GRIA3: variants seen among roughly 807,000 people sequenced by gnomAD.
GRIA3 encodes glutamate receptor 3.
A neutral mutation model predicts 63.0 loss-of-function variants in GRIA3; 3 were observed. That is an observed-to-expected ratio of 0.05 (90% CI 0.02 to 0.12). The LOEUF (loss-of-function observed/expected upper bound fraction) is 0.12, where lower values mean the gene tolerates loss of function less well. GRIA3 is among the 10% of genes least tolerant of loss of function. GRIA3 has a pLI of 1.00. For missense variants in GRIA3, 347 were observed against 700.9 expected (o/e 0.50, Z 5.70); for synonymous variants, 274 against 257.9 (o/e 1.06, Z -0.60).
rs765010781 is a variant in GRIA3, at chrX:123,250,140, G to C, written c.269-3163G>C. The stretch of plus-strand genomic sequence containing the variant: ...TAGTTACCTGGGGCAGGGGTAGCAG[G>C]GAGGAGTGTTATCAATACAGGGAGA... On this transcript the variant is annotated intron_variant, in intron 2 of 15. Transcript: ENST00000620443. 5.2e-4 allele frequency among the ~76,000 whole-genome samples: 58 copies of C among 111,505 alleles called. 1 individual carries two copies. The highest frequency in any genetic ancestry group is 1.9e-3 in the African/African-American group (57 of 30,695).
At chrX:123,354,985 T>C in intron 5 of GRIA3, 22 bp downstream of exon 5, 1 of 1,099,283 alleles carries the variant, frequency 9.1e-7, no homozygotes, top group East Asian at 3.0e-5. Context: ...CAAGTGTCCC[T>C]GGGCAATATA....
At chrX:123,453,589 G>A (rs2045746257) in intron 12 of GRIA3, among the ~76,000 whole-genome samples, 1 of 109,064 alleles carries the variant, frequency 9.2e-6, no homozygotes, top group Admixed American at 9.7e-5. Context: ...CAATCTAAAG[G>A]TGAAGGTACA....
In GRIA3 at chrX:123,187,697, G is replaced by A. The variant is rs995810934; in HGVS notation, c.268+1707G>A. 9.8e-5 allele frequency among the ~76,000 whole-genome samples: 11 copies of A among 111,899 alleles called. No homozygotes were observed. In the Admixed American group the frequency reaches 1.0e-3, roughly 11 times the overall value. On this transcript the variant is annotated intron_variant, in intron 2 of 15. Coordinates refer to ENST00000620443, the MANE Select transcript of GRIA3 (RefSeq NM_007325.5). Reference sequence around the variant, plus strand: ...CAGTGTCTTTTCACTGATGAGAACTGGGATAAGAGAACCATTTGGTTTCTC... The same window carrying A: ...CAGTGTCTTTTCACTGATGAGAACTAGGATAAGAGAACCATTTGGTTTCTC...
intron 6 of GRIA3, among the ~76,000 whole-genome samples, chrX:123,395,783 A>C (rs1293910827): frequency 9.0e-6 from 1 of 111,612 alleles, no homozygotes; most frequent in Non-Finnish European, 1.9e-5. Flanking sequence ...TTAAACAGAT[A>C]AATTAGGGGA....
intron 4 of GRIA3, among the ~76,000 whole-genome samples, chrX:123,333,939 T>C (rs1008653511): frequency 3.6e-5 from 4 of 111,588 alleles, no homozygotes; most frequent in African/African-American, 9.8e-5. Context: ...ATTCTTCCTT[T>C]TCAAGGACAC....
intron 3 of GRIA3, among the ~76,000 whole-genome samples, chrX:123,267,604 A>G (rs1292560171): frequency 1.8e-5 from 2 of 112,395 alleles, no homozygotes; most frequent in Non-Finnish European, 3.8e-5. Flanking sequence ...CTAAAGAAGG[A>G]AAACTGCTTC....
chrX:123,413,310 G>A (rs1214796545), intron 10 of GRIA3, among the ~76,000 whole-genome samples: 3 of 109,419 alleles, frequency 2.7e-5, no homozygotes, highest in African/African-American at 1.0e-4. Context: ...AAACAAACAA[G>A]TAACAATTTC....
At chrX:123,345,465 CA>C (rs2045041006) in intron 4 of GRIA3, among the ~76,000 whole-genome samples, 1 of 106,698 alleles carries the variant, frequency 9.4e-6, no homozygotes, top group Non-Finnish European at 1.9e-5. Flanking sequence ...CACACACACA[CA>C]CACACACACA....
rs1320942935 is a variant in GRIA3, at chrX:123,185,997, A to G, written c.268+7A>G. 1 of 1,199,254 alleles carries G rather than the reference A, an allele frequency of 8.3e-7. No individual in the cohort carries two copies. The highest frequency in any genetic ancestry group is 3.0e-5 in the East Asian group (1 of 33,744). The stretch of plus-strand genomic sequence containing the variant: ...TTTTCCGTGACAAATGCTTGTAAGT[A>G]GATCTGCTTTTCCTCCCTTTGGGAC... On this transcript the variant is annotated splice_region_variant and intron_variant, in intron 2 of 15. Coordinates refer to ENST00000620443, the MANE Select transcript of GRIA3 (RefSeq NM_007325.5).
chrX:123,334,662 T>C lies in GRIA3; in HGVS notation c.696+8449T>C, dbSNP rs778268600. Among the ~76,000 whole-genome samples, 4 of 111,514 alleles carry C rather than the reference T, an allele frequency of 3.6e-5. No homozygotes were observed. The East Asian group carries it at 1.1e-3, about 31-fold the overall frequency. ...TTTTAAAATAAACACAAATTCAAAT[T>C]AATTTTCATTAGGGAACTTTTTGAG... is the stretch of plus-strand genomic sequence containing the variant. On this transcript the variant is annotated intron_variant, in intron 4 of 15. Transcript: ENST00000620443.
At chrX:123,470,601 C>T (rs1353192002) in intron 13 of GRIA3, among the ~76,000 whole-genome samples, 1 of 111,894 alleles carries the variant, frequency 8.9e-6, no homozygotes, top group African/African-American at 3.3e-5. Flanking sequence ...TCTCGGACAG[C>T]CCATTTCCAA....
intron 11 of GRIA3, 92 bp downstream of exon 11, chrX:123,417,870 T>C (rs779164923): frequency 1.2e-6 from 1 of 816,179 alleles, no homozygotes. Flanking sequence ...CAACTCCAGA[T>C]TTTTTTCATT....
chrX:123,456,483 T>C (rs954667236), intron 12 of GRIA3, among the ~76,000 whole-genome samples: 4 of 111,268 alleles, frequency 3.6e-5, no homozygotes, highest in Non-Finnish European at 5.7e-5. Context: ...ATTTCCACAG[T>C]TGGAGTCTTA....
intron 7 of GRIA3, 145 bp downstream of exon 7, chrX:123,398,948 C>A: frequency 2.2e-6 from 1 of 461,417 alleles, no homozygotes; most frequent in Admixed American, 3.9e-5. Flanking sequence ...ATAAGTATAG[C>A]CATTTCTATA....
intron 3 of GRIA3, among the ~76,000 whole-genome samples, chrX:123,314,519 C>T (rs2044819173): frequency 1.8e-5 from 2 of 111,434 alleles, no homozygotes; most frequent in South Asian, 7.6e-4. Context: ...AGAGGCTTGC[C>T]TATTCTGCTC....
intron 10 of GRIA3, among the ~76,000 whole-genome samples, chrX:123,407,047 T>C (rs1382836955): frequency 8.9e-6 from 1 of 111,883 alleles, no homozygotes; most frequent in Non-Finnish European, 1.9e-5. Flanking sequence ...ATGCCTGGCA[T>C]ACAGTAATGC....
At chrX:123,247,653 T>C (rs139380089) in intron 2 of GRIA3, among the ~76,000 whole-genome samples, 1,743 of 111,306 alleles carry the variant, frequency 0.016, 36 homozygotes, top group African/African-American at 0.053. Context: ...AGGCATTATA[T>C]AGGGAGGGAA....
chrX:123,344,057 C>T (rs1055507778), intron 4 of GRIA3, among the ~76,000 whole-genome samples: 3 of 111,939 alleles, frequency 2.7e-5, no homozygotes, highest in African/African-American at 6.5e-5. Context: ...AGAGGTAAAA[C>T]GACTTGTGAA....
At chrX:123,448,564 T>G (rs111834819) in intron 12 of GRIA3, among the ~76,000 whole-genome samples, 158 of 112,234 alleles carry the variant, frequency 1.4e-3, no homozygotes, top group African/African-American at 4.6e-3. Context: ...AGACCTATAC[T>G]GTCCAATATG....
Sources: allele counts gnomAD v4.1 joint callset (sites outside exome capture counted in the v4.1 genomes callset), GRCh38; gene constraint gnomAD v4.1.1; transcripts MANE v1.5; gene names NCBI Gene and HGNC (gene_info 2026-07-23, HGNC 2026-07-21).